The following CLIP1 variants were observed in gnomAD, a reference collection of about 807,000 sequenced individuals.
CLIP1 encodes CAP-Gly domain-containing linker protein 1.
Under a neutral mutation model 161.6 loss-of-function variants are expected in CLIP1, and 66 were observed. The observed-to-expected ratio is 0.41, with a 90% CI of 0.33 to 0.50. The LOEUF (loss-of-function observed/expected upper bound fraction) is 0.50. CLIP1 is among the 20% of genes least tolerant of loss of function. CLIP1 has a pLI of 0.27. For synonymous variants in CLIP1, 598 were observed against 626.2 expected (o/e 0.96, Z 0.67); for missense variants, 1,376 against 1,702.0 (o/e 0.81, Z 3.37).
At chr12:122,365,041 C>T (rs141248153) in intron 3 of CLIP1, among the ~76,000 whole-genome samples, 4,261 of 151,906 alleles carry the variant, frequency 0.028, 220 homozygotes, top group African/African-American at 0.098. Context: ...ACAATGAGAA[C>T]ACATGGACAC....
chr12:122,325,861 C>G (rs2048656001), intron 17 of CLIP1, among the ~76,000 whole-genome samples: 1 of 152,090 alleles, frequency 6.6e-6, no homozygotes, highest in South Asian at 2.1e-4. Context: ...CGATGTTGTC[C>G]AGGGTGGTCT....
At chr12:122,325,304 C>T (rs1009427280) in intron 17 of CLIP1, among the ~76,000 whole-genome samples, 13 of 152,032 alleles carry the variant, frequency 8.6e-5, no homozygotes, top group African/African-American at 3.1e-4. Context: ...GTGATCCACC[C>T]ACCTAGGCCT....
At position 122,323,314 on chromosome 12, in the gene CLIP1, G is replaced by A. The variant is rs1951586070; in HGVS notation, c.3250-3966C>T. ...CTAAGCATTTGTGGAGTTTTTCAGT[G>A]ATTATTCTATTTTCACTTAAAAGTT... is the stretch of plus-strand genomic sequence containing the variant. On this transcript the variant is annotated intron_variant, in intron 17 of 25. Transcript: ENST00000620786. This position sits in a 1 kb window ranked among gnomAD's most constrained non-coding sequence, Gnocchi z 4.1. 1 of 152,426 alleles carries A rather than the reference G, an allele frequency of 6.6e-6. No homozygotes were observed. The highest frequency in any genetic ancestry group is 6.6e-5 in the Admixed American group (1 of 15,226). The allele number at this position is 152,426 out of a possible 1,614,324, so 9.4% of individuals were successfully genotyped here.
chr12:122,419,671 CA>C (rs1956871169), intron 1 of CLIP1, among the ~76,000 whole-genome samples: 1 of 151,950 alleles, frequency 6.6e-6, no homozygotes, highest in East Asian at 1.9e-4. Flanking sequence ...CACAGTGGCT[CA>C]TGCCTGTAAT....
chr12:122,367,307 G>C (rs1593177439), intron 3 of CLIP1, among the ~76,000 whole-genome samples: 1 of 152,104 alleles, frequency 6.6e-6, no homozygotes, highest in African/African-American at 2.4e-5. Context: ...TGTCTGAAAT[G>C]AATGATTACT....
chr12:122,380,380 T>C lies in CLIP1; in HGVS notation c.73A>G (p.Thr25Ala), dbSNP rs772804813. The change falls in exon 2 of 26, where the codon ACA becomes GCA. Residue 25 changes from threonine to alanine, a missense_variant. Transcript: ENST00000620786. ...CGTAAAGTATTACCAGCCGTAGGTG[T>C]CTTCAGAGCTGTGCTTCCAGGCTTC... ...ILKPGSTALK[T>A]PTAVVAPVEK... 2 of 1,612,374 alleles carry C rather than the reference T, an allele frequency of 1.2e-6. No homozygotes were observed. Among genetic ancestry groups the C allele is most frequent in the East Asian group, 2.2e-5 (1 of 44,774 alleles).
Position 122,279,237 on chromosome 12 carries a change from T to G in CLIP1, c.3648-92A>C. 1 of 808,418 alleles carries G rather than the reference T, an allele frequency of 1.2e-6. No individual in the cohort carries two copies. The highest frequency in any genetic ancestry group is 1.9e-6 in the Non-Finnish European group (1 of 530,678). The allele number at this position is 808,418 out of a possible 1,614,324, so 50.1% of individuals were successfully genotyped here. On this transcript the variant is annotated intron_variant, in intron 21 of 25. Coordinates refer to ENST00000620786, the MANE Select transcript of CLIP1 (RefSeq NM_001247997.2). The surrounding 1 kb of genome is among the most constrained non-coding windows in gnomAD (Gnocchi z 4.5). ...AGAACAAACACATAATTAATGTTAG[T>G]TAATGTAAAAAAAAAAATATAACAG... is the stretch of plus-strand genomic sequence containing the variant.
At chr12:122,363,927 C>T in intron 4 of CLIP1, 56 bp downstream of exon 4, 3 of 1,611,268 alleles carry the variant, frequency 1.9e-6, no homozygotes, top group Non-Finnish European at 2.5e-6. Context: ...GTGAGACTGG[C>T]CTGAGCATCG....
chr12:122,274,311 C>G (rs960602176), intron 24 of CLIP1, 149 bp from the exon 25 acceptor site: 7 of 595,418 alleles, frequency 1.2e-5, no homozygotes, highest in Non-Finnish European at 2.1e-5. Context: ...GCTTTTCACT[C>G]TCCCGGAGGA....
At chr12:122,391,078 G>A (rs2136973430) in intron 1 of CLIP1, among the ~76,000 whole-genome samples, 1 of 152,202 alleles carries the variant, frequency 6.6e-6, no homozygotes, top group East Asian at 1.9e-4. Flanking sequence ...ACTTGAGGTT[G>A]GCAGTTTGAG....
At chr12:122,357,847 C>T (rs1953548510) in intron 5 of CLIP1, among the ~76,000 whole-genome samples, 1 of 151,452 alleles carries the variant, frequency 6.6e-6, no homozygotes, top group Non-Finnish European at 1.5e-5. Flanking sequence ...GCCAGCCGCC[C>T]CGCCTGGGAG....
chr12:122,414,161 CA>C (rs1227564587), intron 1 of CLIP1, among the ~76,000 whole-genome samples: 2 of 152,012 alleles, frequency 1.3e-5, no homozygotes, highest in Non-Finnish European at 2.9e-5. Context: ...TTTTTTGAGA[CA>C]GGGTCTCACT....
chr12:122,405,033 T>A (rs939576632), intron 1 of CLIP1, among the ~76,000 whole-genome samples: 1 of 152,016 alleles, frequency 6.6e-6, no homozygotes, highest in Non-Finnish European at 1.5e-5. Context: ...ACCTCTAGAG[T>A]CAGGTGTCAG....
chr12:122,359,070 AAAAT>A (rs972614975), intron 5 of CLIP1, among the ~76,000 whole-genome samples: 17 of 152,334 alleles, frequency 1.1e-4, no homozygotes, highest in African/African-American at 4.1e-4. Context: ...AAAAAAATAA[AAAAT>A]AAAAATAAAA....
At chr12:122,402,501 C>T (rs970441183) in intron 1 of CLIP1, among the ~76,000 whole-genome samples, 3 of 151,740 alleles carry the variant, frequency 2.0e-5, no homozygotes, top group Non-Finnish European at 2.9e-5. Context: ...CCTGCCTGGG[C>T]GTGCTGGTTC....
chr12:122,379,943 T>TAAAAAAAAAAAAAAAAAAAAA lies in CLIP1; in HGVS notation c.85+424_85+425insTTTTTTTTTTTTTTTTTTTTT, dbSNP rs1566198620. On this transcript the variant is annotated intron_variant, in intron 2 of 25. Coordinates refer to ENST00000620786, the MANE Select transcript of CLIP1 (RefSeq NM_001247997.2). ...TGGGGAATAGAGCAAGACTCCATCT[T>TAAAAAAAAAAAAAAAAAAAAA]TAAAAAAAAAAAAAAAAAATGCAAG... Among the ~76,000 whole-genome samples, 18 of 70,342 alleles carry TAAAAAAAAAAAAAAAAAAAAA rather than the reference T, an allele frequency of 2.6e-4. 4 individuals are homozygous for TAAAAAAAAAAAAAAAAAAAAA. In the East Asian group the frequency reaches 3.8e-3, roughly 15 times the overall value. 46.1% of individuals were successfully genotyped at this position (70,342 alleles called of 152,430 possible).
chr12:122,297,808 C>T (rs953128003), intron 20 of CLIP1, among the ~76,000 whole-genome samples: 3 of 152,216 alleles, frequency 2.0e-5, no homozygotes, highest in African/African-American at 4.8e-5. Flanking sequence ...ATCGGCTGCA[C>T]AGATCCCCCT....
At chr12:122,421,733 A>T (rs907713357) in intron 1 of CLIP1, among the ~76,000 whole-genome samples, 5 of 152,160 alleles carry the variant, frequency 3.3e-5, no homozygotes, top group Non-Finnish European at 7.4e-5. Context: ...TGAAGTGGAG[A>T]AACAGCCGGA....
chr12:122,331,108 G>A (rs1398944146), intron 15 of CLIP1, among the ~76,000 whole-genome samples: 12 of 149,802 alleles, frequency 8.0e-5, no homozygotes, highest in Admixed American at 7.3e-4. Context: ...TCCACCTCCC[G>A]GGTCCAACTG....
Sources: allele counts gnomAD v4.1 joint callset (sites outside exome capture counted in the v4.1 genomes callset), GRCh38; gene constraint gnomAD v4.1.1; non-coding constraint Gnocchi (gnomAD v3.1); transcripts MANE v1.5; gene names NCBI Gene and HGNC (gene_info 2026-07-23, HGNC 2026-07-21).